The following ARL8B variants were observed in gnomAD, a reference collection of about 807,000 sequenced individuals.
ARL8B encodes ADP-ribosylation factor-like protein 8B.
A neutral mutation model predicts 30.6 loss-of-function variants in ARL8B; 9 were observed. The ratio of observed to expected loss-of-function variants is 0.29; its 90% CI spans 0.18 to 0.51. The LOEUF is 0.51. ARL8B is among the 20% of genes least tolerant of loss of function. ARL8B has a pLI of 0.97. For missense variants in ARL8B, 130 were observed against 227.2 expected, an observed-to-expected ratio of 0.57 and a Z score of 2.75; for synonymous variants, 74 against 76.0, an observed-to-expected ratio of 0.97 and a Z score of 0.14.
intron 1 of ARL8B, among the ~76,000 whole-genome samples, chr3:5,167,801 T>C (rs531780527): frequency 7.1e-4 from 108 of 152,350 alleles, no homozygotes; most frequent in Non-Finnish European, 1.3e-3. Flanking sequence ...TCTAAACATC[T>C]GTTTCCCAAA....
At chr3:5,138,438 T>A (rs2054345939) in intron 1 of ARL8B, among the ~76,000 whole-genome samples, 1 of 152,228 alleles carries the variant, frequency 6.6e-6, no homozygotes, top group East Asian at 1.9e-4. Context: ...TTTGCCACTA[T>A]TTAGCTGTGT....
rs28408483 is a variant in ARL8B at position 5,138,358 on chromosome 3, T to C, written c.123+15770T>C. 3.8e-3 allele frequency among the ~76,000 whole-genome samples: 584 copies of C among 152,304 alleles called. 5 individuals are homozygous for C. Among genetic ancestry groups the C allele is most frequent in the African/African-American group, 0.014 (574 of 41,554 alleles). On this transcript the variant is annotated intron_variant, in intron 1 of 6. Transcript: ENST00000256496. ...TGCCAACAAATAACTGCCAAATGCC[T>C]GAGGCATTACACTAAAGTGGAAAAT...
intron 1 of ARL8B, among the ~76,000 whole-genome samples, chr3:5,155,507 CTTCTT>C (rs1393365537): frequency 3.9e-5 from 6 of 152,136 alleles, no homozygotes; most frequent in Non-Finnish European, 5.9e-5. Context: ...TATTATCTGT[CTTCTT>C]TTAGGACTTC....
chr3:5,177,205 T>C (rs749938656), intron 6 of ARL8B, among the ~76,000 whole-genome samples: 1 of 152,208 alleles, frequency 6.6e-6, no homozygotes, highest in Non-Finnish European at 1.5e-5. Flanking sequence ...GAGGCTGATC[T>C]TTATAGTTGG....
intron 1 of ARL8B, among the ~76,000 whole-genome samples, chr3:5,138,871 G>A (rs1398039684): frequency 6.6e-6 from 1 of 152,190 alleles, no homozygotes; most frequent in Non-Finnish European, 1.5e-5. Context: ...TGGCTTTACA[G>A]TGCTTACTGT....
chr3:5,153,251 C>T (rs2054501357), intron 1 of ARL8B, among the ~76,000 whole-genome samples: 1 of 152,186 alleles, frequency 6.6e-6, no homozygotes, highest in Admixed American at 6.5e-5. Flanking sequence ...CAAATCTCCT[C>T]TTTGAAGTCC....
chr3:5,150,491 T>TAAATAAATAAATAAAG (rs1429595026), intron 1 of ARL8B, among the ~76,000 whole-genome samples: 2 of 151,212 alleles, frequency 1.3e-5, no homozygotes, highest in African/African-American at 4.9e-5. Flanking sequence ...AATAAATAAA[T>TAAATAAATAAATAAAG]AAAGTTTGGA....
At chr3:5,128,121 C>T (rs890441085) in intron 1 of ARL8B, among the ~76,000 whole-genome samples, 4 of 138,318 alleles carry the variant, frequency 2.9e-5, no homozygotes, top group Admixed American at 7.8e-5. Context: ...CGAAATTGAG[C>T]GACTGCACTC....
intron 1 of ARL8B, among the ~76,000 whole-genome samples, chr3:5,123,973 A>G (rs1480338306): frequency 6.6e-6 from 1 of 152,106 alleles, no homozygotes; most frequent in African/African-American, 2.4e-5. Context: ...TCCCAGGTTC[A>G]AGCGATTTTC....
intron 1 of ARL8B, among the ~76,000 whole-genome samples, chr3:5,147,618 T>C (rs1210253830): frequency 1.3e-5 from 2 of 152,170 alleles, no homozygotes; most frequent in East Asian, 3.9e-4. Flanking sequence ...TGACTACCTC[T>C]TCCACAGTGG....
chr3:5,132,018 G>A (rs2054287417), intron 1 of ARL8B, among the ~76,000 whole-genome samples: 1 of 152,112 alleles, frequency 6.6e-6, no homozygotes, highest in South Asian at 2.1e-4. Context: ...GAGTAGCTGG[G>A]GCTACAGGCA....
intron 1 of ARL8B, among the ~76,000 whole-genome samples, chr3:5,130,400 TATC>T (rs1241485453): frequency 3.9e-5 from 6 of 152,160 alleles, no homozygotes; most frequent in Non-Finnish European, 7.4e-5. Flanking sequence ...CCCCTTTACT[TATC>T]ATGCTGCTAT....
chr3:5,128,374 T>A (rs2054250964), intron 1 of ARL8B: 1 of 430,400 alleles, frequency 2.3e-6, no homozygotes. Context: ...TTGTGGAAAA[T>A]GAGGCATCTT....
intron 1 of ARL8B, among the ~76,000 whole-genome samples, chr3:5,125,168 A>G (rs1056935769): frequency 6.6e-6 from 1 of 152,116 alleles, no homozygotes; most frequent in Non-Finnish European, 1.5e-5. Flanking sequence ...AGGTAATGAT[A>G]TGTTTCTTAC....
At chr3:5,128,044 C>T (rs1460785846) in intron 1 of ARL8B, among the ~76,000 whole-genome samples, 1 of 150,216 alleles carries the variant, frequency 6.7e-6, no homozygotes, top group African/African-American at 2.4e-5. Context: ...AAAAATTAGC[C>T]TGGCGTTACT....
chr3:5,140,708 G>T (rs2054366056), intron 1 of ARL8B, among the ~76,000 whole-genome samples: 1 of 152,118 alleles, frequency 6.6e-6, no homozygotes, highest in Admixed American at 6.5e-5. Context: ...CCGTATGTAT[G>T]GAGCTGTGAT....
At chr3:5,145,828 C>T (rs1470074972) in intron 1 of ARL8B, among the ~76,000 whole-genome samples, 1 of 59,692 alleles carries the variant, frequency 1.7e-5, no homozygotes, top group Non-Finnish European at 2.9e-5. Context: ...AAAAGGTAGA[C>T]CCCTCTATTC....
intron 1 of ARL8B, among the ~76,000 whole-genome samples, chr3:5,131,321 A>G (rs1327869010): frequency 2.0e-5 from 3 of 150,978 alleles, no homozygotes; most frequent in Non-Finnish European, 3.0e-5. Context: ...GGAAACCTAC[A>G]TTTCTCTCCT....
At chr3:5,144,024 ATTCT>A (rs757028506) in intron 1 of ARL8B, among the ~76,000 whole-genome samples, 1 of 152,110 alleles carries the variant, frequency 6.6e-6, no homozygotes, top group East Asian at 1.9e-4. Context: ...AGTTTGATTC[ATTCT>A]TTCTACTTTT....
Sources: gnomAD v4.1 joint callset for allele counts (sites outside exome capture counted in the v4.1 genomes callset) on GRCh38, gnomAD v4.1.1 for gene constraint, MANE v1.5 for transcripts, NCBI Gene and HGNC (gene_info 2026-07-23, HGNC 2026-07-21) for gene names.